Variants in PPARGC1A observed in about 807,000 individuals in gnomAD.
PPARGC1A encodes the protein PPARG coactivator 1 alpha, also known as peroxisome proliferator-activated receptor gamma coactivator 1-alpha.
In PPARGC1A, 25 loss-of-function variants were observed where a neutral mutation model predicts 88.7. The observed-to-expected ratio is 0.28, with a 90% CI of 0.21 to 0.39. The LOEUF (loss-of-function observed/expected upper bound fraction) is 0.39. PPARGC1A is among the 10% of genes least tolerant of loss of function. The probability of loss-of-function intolerance (pLI) is 1.00; values close to 1 mark genes in which losing one functional copy is unlikely to be tolerated. For synonymous variants in PPARGC1A, 363 were observed against 355.6 expected (o/e 1.02, Z -0.24); for missense variants, 880 against 968.7 (o/e 0.91, Z 1.22).
the PPARGC1A span, among the ~76,000 whole-genome samples, chr4:24,250,279 G>T: frequency 6.6e-6 from 1 of 152,320 alleles, no homozygotes; most frequent in South Asian, 2.1e-4. Flanking sequence ...ACTAACACCT[G>T]TGCTCATTTG....
chr4:24,006,355 C>A, the PPARGC1A span, among the ~76,000 whole-genome samples: 1 of 152,150 alleles, frequency 6.6e-6, no homozygotes, highest in Non-Finnish European at 1.5e-5. Flanking sequence ...GGCCAGTTTT[C>A]TTTCCATGGG....
chr4:24,280,261 TTC>T, the PPARGC1A span, among the ~76,000 whole-genome samples: 1 of 152,244 alleles, frequency 6.6e-6, no homozygotes, highest in Non-Finnish European at 1.5e-5. Flanking sequence ...CTGCTAGCTC[TTC>T]TCTCTGTGTA....
the PPARGC1A span, among the ~76,000 whole-genome samples, chr4:24,139,174 C>A: frequency 6.6e-6 from 1 of 151,758 alleles, no homozygotes; most frequent in Non-Finnish European, 1.5e-5. Flanking sequence ...CACTCTGTCA[C>A]CCAGGCTGGA....
At chr4:24,251,793 T>C in the PPARGC1A span, among the ~76,000 whole-genome samples, 2 of 152,172 alleles carry the variant, frequency 1.3e-5, no homozygotes, top group Non-Finnish European at 2.9e-5. Flanking sequence ...AATATCCCAT[T>C]AAGCCACGCA....
the PPARGC1A span, among the ~76,000 whole-genome samples, chr4:24,248,897 A>C: frequency 3.3e-5 from 5 of 152,106 alleles, no homozygotes; most frequent in African/African-American, 7.2e-5. Context: ...CTCCAAATAC[A>C]CCACCTGGAG....
chr4:24,442,115 T>C, the PPARGC1A span, among the ~76,000 whole-genome samples: 2 of 152,138 alleles, frequency 1.3e-5, no homozygotes, highest in East Asian at 3.8e-4. Flanking sequence ...CAAAGTTAAC[T>C]GAAATAGACT....
At chr4:24,091,805 C>T in the PPARGC1A span, among the ~76,000 whole-genome samples, 5 of 151,994 alleles carry the variant, frequency 3.3e-5, no homozygotes, top group African/African-American at 4.8e-5. Context: ...GCTCCAGGGC[C>T]GGTGGACAAT....
At chr4:24,305,448 T>C in the PPARGC1A span, among the ~76,000 whole-genome samples, 1 of 152,096 alleles carries the variant, frequency 6.6e-6, no homozygotes. Flanking sequence ...AACATCTACG[T>C]TGCAAAGTGT....
At chr4:23,815,520 A>G (rs1721819108) in intron 7 of PPARGC1A, among the ~76,000 whole-genome samples, 1 of 152,084 alleles carries the variant, frequency 6.6e-6, no homozygotes, top group Non-Finnish European at 1.5e-5. Context: ...AAAAGGAAGA[A>G]AGAGGAACAG....
the PPARGC1A span, among the ~76,000 whole-genome samples, chr4:24,187,987 G>A: frequency 6.6e-6 from 1 of 152,200 alleles, no homozygotes; most frequent in Non-Finnish European, 1.5e-5. Context: ...AAAGCTTGTA[G>A]GAAAAGGTAT....
At chr4:24,060,617 T>C in the PPARGC1A span, among the ~76,000 whole-genome samples, 2 of 152,224 alleles carry the variant, frequency 1.3e-5, no homozygotes, top group Non-Finnish European at 2.9e-5. Flanking sequence ...GGGAAAGATG[T>C]AATTTTTTTA....
At chr4:23,913,267 TAGAGAGAGAG>T in the PPARGC1A span, among the ~76,000 whole-genome samples, 8,872 of 76,992 alleles carry the variant, frequency 0.12, 502 homozygotes, top group Non-Finnish European at 0.15. Context: ...TATATATATA[TAGAGAGAGAG>T]AGAGAGAGAG....
At chr4:24,354,925 C>T in the PPARGC1A span, among the ~76,000 whole-genome samples, 1 of 151,876 alleles carries the variant, frequency 6.6e-6, no homozygotes, top group South Asian at 2.1e-4. Context: ...AAAAAAAACA[C>T]CCTTTTGTCG....
the PPARGC1A span, among the ~76,000 whole-genome samples, chr4:24,051,331 C>G: frequency 6.6e-6 from 1 of 151,282 alleles, no homozygotes; most frequent in Admixed American, 6.6e-5. Flanking sequence ...GAGGAAATAT[C>G]TTTATATTTG....
intron 10 of PPARGC1A, among the ~76,000 whole-genome samples, chr4:23,809,344 C>T (rs1341285397): frequency 2.6e-5 from 4 of 152,100 alleles, no homozygotes; most frequent in Non-Finnish European, 5.9e-5. Context: ...TTCCATGATG[C>T]CTTCAAGATA....
At chr4:24,386,670 G>A in the PPARGC1A span, among the ~76,000 whole-genome samples, 1 of 152,030 alleles carries the variant, frequency 6.6e-6, no homozygotes, top group Non-Finnish European at 1.5e-5. Context: ...AAATACCTAG[G>A]AATCCAATTT....
chr4:24,366,649 G>A, the PPARGC1A span, among the ~76,000 whole-genome samples: 89 of 152,108 alleles, frequency 5.9e-4, no homozygotes, highest in Non-Finnish European at 1.1e-3. Context: ...TACCCAAACA[G>A]ATGCTACTCA....
At chr4:24,091,034 C>G in the PPARGC1A span, among the ~76,000 whole-genome samples, 1 of 152,146 alleles carries the variant, frequency 6.6e-6, no homozygotes, top group Non-Finnish European at 1.5e-5. Context: ...AGAATGGTCA[C>G]CTCATTAAAA....
chr4:23,963,350 C>G, the PPARGC1A span, among the ~76,000 whole-genome samples: 2 of 152,198 alleles, frequency 1.3e-5, no homozygotes, highest in African/African-American at 4.8e-5. Flanking sequence ...CATTGACAAT[C>G]TTTACTTTCA....
Sources: gnomAD v4.1 joint callset for allele counts (sites outside exome capture counted in the v4.1 genomes callset) on GRCh38, gnomAD v4.1.1 for gene constraint, MANE v1.5 for transcripts, NCBI Gene and HGNC (gene_info 2026-07-23, HGNC 2026-07-21) for gene names.